CSMD1: variants seen among roughly 807,000 people sequenced by gnomAD.
CSMD1 encodes the protein CUB and sushi domain-containing protein 1.
CSMD1 carries 213 observed loss-of-function variants against 417.5 expected under a neutral mutation model. The observed-to-expected ratio is 0.51, with a 90% confidence interval of 0.46 to 0.57. The LOEUF is 0.57. Among genes scored for constraint, CSMD1 ranks in the 20% least tolerant of loss-of-function variants. The probability of loss-of-function intolerance (pLI) is 0.00; values close to 1 mark genes in which losing one functional copy is unlikely to be tolerated. For synonymous variants in CSMD1, 2,862 were observed against 1,736.8 expected (o/e 1.65, Z -16.11); for missense variants, 6,923 against 4,529.7 (o/e 1.53, Z -15.17).
intron 7 of CSMD1, among the ~76,000 whole-genome samples, chr8:3,663,169 G>A (rs912187452): frequency 2.6e-5 from 4 of 152,152 alleles, no homozygotes; most frequent in African/African-American, 9.7e-5. Context: ...AGAAAGGCTG[G>A]TGCATTTTCA....
Position 4,284,993 on chromosome 8 carries a change from C to G in CSMD1, c.415+134960G>C, listed in dbSNP as rs536372773. ...ACCTCGCCTCACCATGCCTCGGTTC[C>G]TTTATTTGTAAAATGGGGATAATAA... On this transcript the variant is annotated intron_variant, in intron 3 of 69. Coordinates refer to ENST00000635120, the MANE Select transcript of CSMD1 (RefSeq NM_033225.6). 2.0e-5 allele frequency among the ~76,000 whole-genome samples: 3 copies of G among 152,270 alleles called. No individual in the cohort carries two copies. In the South Asian group the frequency reaches 6.2e-4, roughly 32 times the overall value.
intron 6 of CSMD1, among the ~76,000 whole-genome samples, chr8:3,728,883 C>T (rs1382562234): frequency 6.6e-6 from 1 of 152,212 alleles, no homozygotes; most frequent in African/African-American, 2.4e-5. Context: ...GGGATACTGG[C>T]ATCCACGTGG....
chr8:4,350,057 A>T (rs1156546593), intron 3 of CSMD1, among the ~76,000 whole-genome samples: 2 of 152,162 alleles, frequency 1.3e-5, no homozygotes, highest in Non-Finnish European at 1.5e-5. Context: ...AGCTTATTTC[A>T]AATAAGAATC....
intron 1 of CSMD1, among the ~76,000 whole-genome samples, chr8:4,970,506 G>C (rs372505929): frequency 2.0e-5 from 3 of 152,000 alleles, no homozygotes; most frequent in South Asian, 2.1e-4. Context: ...ATGGAATAGA[G>C]GTTTCTTCTT....
At chr8:3,961,899 G>C (rs140409395) in intron 5 of CSMD1, among the ~76,000 whole-genome samples, 30 of 152,304 alleles carry the variant, frequency 2.0e-4, no homozygotes, top group African/African-American at 5.3e-4. Flanking sequence ...ACGACTTCTT[G>C]AGTCATTGCT....
chr8:3,151,969 C>T (rs76111517), intron 39 of CSMD1, among the ~76,000 whole-genome samples: 6,402 of 152,246 alleles, frequency 0.042, 466 homozygotes, highest in African/African-American at 0.15. Context: ...CCCTCTTACA[C>T]ATGAAGAAAC....
At chr8:4,481,222 G>C (rs1563219527) in intron 2 of CSMD1, among the ~76,000 whole-genome samples, 2 of 152,172 alleles carry the variant, frequency 1.3e-5, no homozygotes, top group Admixed American at 1.3e-4. Context: ...CCTATCAGCA[G>C]ACCTAAGAGT....
intron 3 of CSMD1, among the ~76,000 whole-genome samples, chr8:4,274,809 C>A (rs1044163357): frequency 6.6e-6 from 1 of 152,092 alleles, no homozygotes; most frequent in Non-Finnish European, 1.5e-5. Flanking sequence ...CCACCCTCAA[C>A]AAAATTTATG....
At chr8:4,199,251 A>T (rs1799513251) in intron 3 of CSMD1, among the ~76,000 whole-genome samples, 1 of 152,222 alleles carries the variant, frequency 6.6e-6, no homozygotes, top group Non-Finnish European at 1.5e-5. Context: ...TAGTGTGAAC[A>T]CGCTAAATTC....
At chr8:4,718,501 C>T (rs1417568677) in intron 1 of CSMD1, among the ~76,000 whole-genome samples, 5 of 151,966 alleles carry the variant, frequency 3.3e-5, no homozygotes, top group South Asian at 2.1e-4. Context: ...AACTAATATT[C>T]CCGCTGTCAA....
At chr8:3,932,765 T>A (rs1032547416) in intron 5 of CSMD1, among the ~76,000 whole-genome samples, 1 of 150,402 alleles carries the variant, frequency 6.6e-6, no homozygotes, top group Admixed American at 6.6e-5. Context: ...CTAATAACCA[T>A]AAAGGTTAAT....
intron 3 of CSMD1, among the ~76,000 whole-genome samples, chr8:4,344,744 C>T (rs1359401390): frequency 6.6e-6 from 1 of 151,984 alleles, no homozygotes; most frequent in South Asian, 2.1e-4. Context: ...ATAAAAGTTG[C>T]CATTCACATT....
intron 6 of CSMD1, among the ~76,000 whole-genome samples, chr8:3,748,301 A>T (rs4424283): frequency 0.076 from 11,553 of 152,190 alleles, 502 homozygotes; most frequent in East Asian, 0.13. Context: ...AAAGGTTATA[A>T]TATATTTCAG....
chr8:3,907,193 G>A (rs1320123622), intron 5 of CSMD1, among the ~76,000 whole-genome samples: 1 of 152,124 alleles, frequency 6.6e-6, no homozygotes, highest in African/African-American at 2.4e-5. Flanking sequence ...ACCTGAATCA[G>A]CGATCTGATC....
intron 52 of CSMD1, among the ~76,000 whole-genome samples, chr8:3,003,218 G>A (rs1029733372): frequency 6.6e-6 from 1 of 152,276 alleles, no homozygotes; most frequent in East Asian, 1.9e-4. Context: ...TTGAGGAAGG[G>A]AAAATTGCAT....
chr8:3,683,156 C>T (rs920746745), intron 7 of CSMD1, among the ~76,000 whole-genome samples: 2 of 151,886 alleles, frequency 1.3e-5, no homozygotes, highest in Non-Finnish European at 2.9e-5. Context: ...TGTAACAAAC[C>T]TGCACGTTGT....
intron 18 of CSMD1, among the ~76,000 whole-genome samples, chr8:3,381,213 A>C (rs965428637): frequency 5.9e-5 from 9 of 152,152 alleles, no homozygotes; most frequent in African/African-American, 2.2e-4. Flanking sequence ...AAATGACTGC[A>C]AGTAAAACAA....
At chr8:4,656,220 T>C (rs934996642) in intron 1 of CSMD1, among the ~76,000 whole-genome samples, 1 of 151,984 alleles carries the variant, frequency 6.6e-6, no homozygotes, top group East Asian at 1.9e-4. Flanking sequence ...AATATGGCTG[T>C]GGAAAAGCCT....
chr8:3,968,972 C>T (rs1283939617), intron 5 of CSMD1, among the ~76,000 whole-genome samples: 3 of 152,168 alleles, frequency 2.0e-5, no homozygotes, highest in Non-Finnish European at 2.9e-5. Context: ...TAATGCAGGG[C>T]AGGGACAGTG....
Sources: gnomAD v4.1 joint callset for allele counts (sites outside exome capture counted in the v4.1 genomes callset) on GRCh38, gnomAD v4.1.1 for gene constraint, MANE v1.5 for transcripts, NCBI Gene and HGNC (gene_info 2026-07-23, HGNC 2026-07-21) for gene names.